The following MALRD1 variants were observed in gnomAD, a reference collection of about 807,000 sequenced individuals.
The protein encoded by MALRD1 is MAM and LDL receptor class A domain containing 1, also known as MAM and LDL-receptor class A domain-containing protein 1.
Under a neutral mutation model 242.1 loss-of-function variants are expected in MALRD1, and 247 were observed. The observed-to-expected ratio is 1.02, with a 90% confidence interval of 0.92 to 1.13. The LOEUF is 1.13. MALRD1 is among the 50% of genes most tolerant of loss of function. The pLI, the probability that MALRD1 is intolerant of heterozygous loss-of-function variation, is 0.00. For missense variants in MALRD1, 2,989 were observed against 2,533.1 expected, an observed-to-expected ratio of 1.18 and a Z score of -3.86; for synonymous variants, 995 against 866.6, an observed-to-expected ratio of 1.15 and a Z score of -2.60.
intron 28 of MALRD1, among the ~76,000 whole-genome samples, chr10:19,433,457 C>G (rs1380438723): frequency 6.6e-6 from 1 of 152,142 alleles, no homozygotes; most frequent in African/African-American, 2.4e-5. Flanking sequence ...CAGAGGGCCT[C>G]TGAGCCCTTC....
intron 1 of MALRD1, among the ~76,000 whole-genome samples, chr10:19,050,947 A>G (rs1834474890): frequency 6.6e-6 from 1 of 152,332 alleles, no homozygotes; most frequent in Admixed American, 6.5e-5. Context: ...GAAAAATTCT[A>G]ATAACATACA....
At chr10:19,307,660 A>T (rs893157030) in intron 21 of MALRD1, among the ~76,000 whole-genome samples, 1 of 151,548 alleles carries the variant, frequency 6.6e-6, no homozygotes, top group Non-Finnish European at 1.5e-5. Flanking sequence ...GCTGAAGCTA[A>T]TGCCAGAGAC....
chr10:19,249,809 C>T (rs1839224754), intron 18 of MALRD1, among the ~76,000 whole-genome samples: 1 of 151,916 alleles, frequency 6.6e-6, no homozygotes, highest in Admixed American at 6.6e-5. Flanking sequence ...GTATGTGGGA[C>T]ATTGAGCTAG....
chr10:19,550,505 C>A lies in MALRD1; in HGVS notation c.5479-16997C>A, dbSNP rs573023402. 3.9e-5 allele frequency among the ~76,000 whole-genome samples: 6 copies of A among 152,214 alleles called. No homozygotes were observed. The South Asian group carries it at 1.0e-3, about 26-fold the overall frequency. ...CCTCTACCTCCTTCCAACCTCCACCCTCCAATAGGCCCCAGTGTGTGTGGG... is the reference window on the plus strand; with the variant it reads ...CCTCTACCTCCTTCCAACCTCCACCATCCAATAGGCCCCAGTGTGTGTGGG... On this transcript the variant is annotated intron_variant, in intron 32 of 39. Coordinates refer to ENST00000454679, the MANE Select transcript of MALRD1 (RefSeq NM_001142308.3).
intron 29 of MALRD1, among the ~76,000 whole-genome samples, chr10:19,451,932 G>T (rs1835351570): frequency 6.6e-6 from 1 of 152,070 alleles, no homozygotes. Flanking sequence ...GACAGGATTT[G>T]GGCTTCAAGA....
At chr10:19,154,246 G>T (rs1404518096) in intron 11 of MALRD1, among the ~76,000 whole-genome samples, 1 of 152,168 alleles carries the variant, frequency 6.6e-6, no homozygotes, top group East Asian at 1.9e-4. Flanking sequence ...GGTTAAACAT[G>T]TGATGGAGTC....
chr10:19,395,669 T>C (rs773848090), intron 28 of MALRD1, among the ~76,000 whole-genome samples: 3 of 152,166 alleles, frequency 2.0e-5, no homozygotes, highest in Non-Finnish European at 4.4e-5. Context: ...ACACAAGATA[T>C]CAACACACCC....
intron 5 of MALRD1, among the ~76,000 whole-genome samples, chr10:19,116,595 G>T (rs1231638135): frequency 6.6e-6 from 1 of 152,156 alleles, no homozygotes; most frequent in Non-Finnish European, 1.5e-5. Context: ...TACCCTCTGA[G>T]AGAGTCGGGA....
intron 29 of MALRD1, among the ~76,000 whole-genome samples, chr10:19,465,835 G>C (rs1482292132): frequency 6.6e-6 from 1 of 152,106 alleles, no homozygotes; most frequent in Non-Finnish European, 1.5e-5. Flanking sequence ...GGCCTCTCCA[G>C]AGTCTGTGGA....
intron 21 of MALRD1, among the ~76,000 whole-genome samples, chr10:19,318,240 A>G (rs1489366008): frequency 1.3e-5 from 2 of 152,036 alleles, no homozygotes; most frequent in Admixed American, 6.6e-5. Flanking sequence ...TGTGCCCCTA[A>G]TTAATACCTA....
intron 18 of MALRD1, among the ~76,000 whole-genome samples, chr10:19,256,986 G>A (rs561958174): frequency 6.6e-6 from 1 of 152,022 alleles, no homozygotes; most frequent in Non-Finnish European, 1.5e-5. Flanking sequence ...AATTCATCAT[G>A]ATCAATTCTG....
chr10:19,292,381 T>C (rs1242450055), intron 21 of MALRD1, among the ~76,000 whole-genome samples: 1 of 152,192 alleles, frequency 6.6e-6, no homozygotes, highest in Non-Finnish European at 1.5e-5. Flanking sequence ...GTTGTGGATT[T>C]GCTTAAAATG....
chr10:19,238,523 TATAATATAC>T (rs1838572255), intron 18 of MALRD1, among the ~76,000 whole-genome samples: 1 of 89,410 alleles, frequency 1.1e-5, no homozygotes, highest in African/African-American at 4.5e-5. Flanking sequence ...GTATATTATA[TATAATATAC>T]ATTATATATA....
rs1838017099 is a variant in MALRD1, at chr10:19,595,181, C to T, written c.5681-13C>T. The T allele has an allele frequency of 1.3e-6, 2 of 1,541,112 alleles. No homozygotes were observed. Among genetic ancestry groups the T allele is most frequent in the South Asian group, 1.2e-5 (1 of 83,050 alleles). On this transcript the variant is annotated splice_polypyrimidine_tract_variant and intron_variant, in intron 33 of 39. Transcript: ENST00000454679. ...CCTAATGCCAAAATAACTTGACTTG[C>T]TCTCTTTTTTAGGTCCTGTCCCAGT...
chr10:19,244,783 G>A (rs750761667), intron 18 of MALRD1, among the ~76,000 whole-genome samples: 1 of 152,072 alleles, frequency 6.6e-6, no homozygotes, highest in Non-Finnish European at 1.5e-5. Flanking sequence ...TTTGATTATT[G>A]CAGAGATCAA....
At chr10:19,507,150 C>T (rs565789961) in intron 31 of MALRD1, among the ~76,000 whole-genome samples, 1 of 152,084 alleles carries the variant, frequency 6.6e-6, no homozygotes, top group South Asian at 2.1e-4. Context: ...GAGCACCGAG[C>T]CATAAGGGAG....
chr10:19,240,756 AC>A (rs1838729023), intron 18 of MALRD1, among the ~76,000 whole-genome samples: 1 of 151,990 alleles, frequency 6.6e-6, no homozygotes, highest in African/African-American at 2.4e-5. Context: ...TACTTTCTTG[AC>A]AGTTTTTATC....
intron 31 of MALRD1, among the ~76,000 whole-genome samples, chr10:19,508,402 CATG>C (rs1243945758): frequency 6.6e-6 from 1 of 152,114 alleles, no homozygotes; most frequent in Non-Finnish European, 1.5e-5. Flanking sequence ...TGATGTAAAA[CATG>C]ATGTTTTTAG....
At chr10:19,507,630 T>G (rs1428150523) in intron 31 of MALRD1, among the ~76,000 whole-genome samples, 1 of 152,202 alleles carries the variant, frequency 6.6e-6, no homozygotes, top group Non-Finnish European at 1.5e-5. Context: ...TGGAATTTAT[T>G]GTGATGCCAA....
Sources: gnomAD v4.1 joint callset for allele counts (sites outside exome capture counted in the v4.1 genomes callset) on GRCh38, gnomAD v4.1.1 for gene constraint, MANE v1.5 for transcripts, NCBI Gene and HGNC (gene_info 2026-07-23, HGNC 2026-07-21) for gene names.